The following RTN1 variants were observed in gnomAD, a reference collection of about 807,000 sequenced individuals.
The protein encoded by RTN1 is reticulon-1.
RTN1 carries 25 observed loss-of-function variants against 65.5 expected under a neutral mutation model. The observed-to-expected ratio is 0.38, with a 90% CI of 0.28 to 0.53. RTN1 has a LOEUF of 0.53. Ranked by LOEUF, RTN1 falls within the 20% of genes least tolerant of loss-of-function variation. The pLI is 0.79. For synonymous variants in RTN1, 471 were observed against 447.6 expected (o/e 1.05, Z -0.66); for missense variants, 983 against 1,025.4 (o/e 0.96, Z 0.57).
At chr14:59,728,272 TTTGC>T (rs1197795677) in intron 2 of RTN1, among the ~76,000 whole-genome samples, 20 of 131,202 alleles carry the variant, frequency 1.5e-4, no homozygotes, top group African/African-American at 6.2e-4. Context: ...TTTTTTTTTT[TTTGC>T]AACTAAGTGG....
intron 1 of RTN1, among the ~76,000 whole-genome samples, chr14:59,800,259 C>G (rs1886516224): frequency 6.6e-6 from 1 of 152,230 alleles, no homozygotes; most frequent in South Asian, 2.1e-4. Context: ...CTCAAACCCC[C>G]ACCCTAACAG....
chr14:59,751,191 CTTTTTTT>C (rs34021179), intron 1 of RTN1, among the ~76,000 whole-genome samples: 7 of 90,794 alleles, frequency 7.7e-5, no homozygotes, highest in African/African-American at 1.4e-4. Flanking sequence ...CTCATTATAC[CTTTTTTT>C]TTTTTTTTTT....
chr14:59,653,904 T>C (rs1470207375), intron 3 of RTN1, among the ~76,000 whole-genome samples: 1 of 152,108 alleles, frequency 6.6e-6, no homozygotes, highest in Non-Finnish European at 1.5e-5. Flanking sequence ...TTTATTTATT[T>C]ATTTATTTAT....
At chr14:59,647,566 C>T (rs576802211) in intron 3 of RTN1, among the ~76,000 whole-genome samples, 12 of 152,130 alleles carry the variant, frequency 7.9e-5, no homozygotes, top group Non-Finnish European at 1.6e-4. Context: ...CAATTTTCAG[C>T]AAATGTAAAA....
chr14:59,679,171 T>C (rs1883692090), intron 3 of RTN1, among the ~76,000 whole-genome samples: 1 of 152,188 alleles, frequency 6.6e-6, no homozygotes, highest in Admixed American at 6.5e-5. Flanking sequence ...TATTATCATG[T>C]GTAATTGTTA....
chr14:59,738,573 C>G (rs534024911), intron 2 of RTN1, among the ~76,000 whole-genome samples: 3 of 152,324 alleles, frequency 2.0e-5, no homozygotes, highest in South Asian at 2.1e-4. Flanking sequence ...TTAGTTCAAC[C>G]ATTGTGGAAA....
At chr14:59,701,851 T>C (rs1884186791) in intron 3 of RTN1, among the ~76,000 whole-genome samples, 1 of 152,164 alleles carries the variant, frequency 6.6e-6, no homozygotes, top group African/African-American at 2.4e-5. Flanking sequence ...AATAAAGCTG[T>C]ATAAAAACAA....
chr14:59,710,030 T>C (rs1594692091), intron 3 of RTN1, among the ~76,000 whole-genome samples: 2 of 132,120 alleles, frequency 1.5e-5, no homozygotes, highest in Admixed American at 7.7e-5. Flanking sequence ...TCTCCTCTCC[T>C]CTCCCTCTTT....
At chr14:59,860,606 T>C (rs889899038) in intron 1 of RTN1, among the ~76,000 whole-genome samples, 3 of 152,292 alleles carry the variant, frequency 2.0e-5, no homozygotes, top group East Asian at 3.9e-4. Context: ...GCTTGCACCA[T>C]GTGCCTGGAA....
At chr14:59,755,679 A>G (rs1885623617) in intron 1 of RTN1, among the ~76,000 whole-genome samples, 2 of 152,152 alleles carry the variant, frequency 1.3e-5, no homozygotes, top group East Asian at 1.9e-4. Context: ...GACTCTAGGA[A>G]CCTCTATGTC....
intron 3 of RTN1, among the ~76,000 whole-genome samples, chr14:59,684,330 C>T (rs981600576): frequency 2.0e-5 from 3 of 151,976 alleles, no homozygotes; most frequent in Admixed American, 6.6e-5. Flanking sequence ...TTTCACATTA[C>T]TTTTACTGCC....
At position 59,672,726 on chromosome 14, in the gene RTN1, C is replaced by T. The variant is rs1035094210; in HGVS notation, c.1765+54193G>A. ...CGCAATCTCGGCTCACTGCAAGCTC[C>T]GCTTCCCGGGTTCACGCCATTCTCC... On this transcript the variant is annotated intron_variant, in intron 3 of 8. Transcript: ENST00000267484. 1.9e-4 allele frequency among the ~76,000 whole-genome samples: 28 copies of T among 146,660 alleles called. 1 individual carries two copies. The highest frequency in any genetic ancestry group is 7.3e-3 in the Middle Eastern group (2 of 274).
intron 8 of RTN1, among the ~76,000 whole-genome samples, chr14:59,597,378 C>T (rs912452516): frequency 6.6e-6 from 1 of 152,192 alleles, no homozygotes; most frequent in Admixed American, 6.5e-5. Flanking sequence ...AAAATGTGGG[C>T]ATAGACTAGA....
intron 1 of RTN1, among the ~76,000 whole-genome samples, chr14:59,819,587 C>T (rs889919650): frequency 2.0e-5 from 3 of 152,018 alleles, no homozygotes; most frequent in South Asian, 2.1e-4. Flanking sequence ...ACCAGTTCTG[C>T]GCTGCGCGAC....
At chr14:59,647,635 A>G (rs1377873750) in intron 3 of RTN1, among the ~76,000 whole-genome samples, 2 of 152,000 alleles carry the variant, frequency 1.3e-5, no homozygotes, top group African/African-American at 4.8e-5. Context: ...ACTACAAAAA[A>G]CTCAAAACAT....
chr14:59,669,147 T>C (rs993702813), intron 3 of RTN1, among the ~76,000 whole-genome samples: 2 of 152,100 alleles, frequency 1.3e-5, no homozygotes, highest in African/African-American at 2.4e-5. Context: ...TACAAAGTCA[T>C]ATGCACACAT....
chr14:59,656,313 T>C lies in RTN1; in HGVS notation c.1766-48821A>G, dbSNP rs1883122300. 2.0e-5 allele frequency among the ~76,000 whole-genome samples: 3 copies of C among 152,214 alleles called. No individual in the cohort carries two copies. The South Asian group carries it at 6.2e-4, about 31-fold the overall frequency. On this transcript the variant is annotated intron_variant, in intron 3 of 8. Transcript: ENST00000267484. ...TAACTGCATAACTTTGTGAATATGC[T>C]AAAAACTACTGAACTTTTAAAAGGG...
At chr14:59,624,582 C>T (rs755339138) in intron 3 of RTN1, among the ~76,000 whole-genome samples, 56 of 152,072 alleles carry the variant, frequency 3.7e-4, no homozygotes, top group Non-Finnish European at 5.1e-4. Context: ...CTGCCTCAGC[C>T]TCCCGAGTAG....
chr14:59,633,062 C>T (rs1039267223), intron 3 of RTN1, among the ~76,000 whole-genome samples: 4 of 152,132 alleles, frequency 2.6e-5, no homozygotes, highest in Admixed American at 6.5e-5. Context: ...GTGATCGCAC[C>T]ACTGCACTCC....
Sources: allele counts gnomAD v4.1 joint callset (sites outside exome capture counted in the v4.1 genomes callset), GRCh38; gene constraint gnomAD v4.1.1; transcripts MANE v1.5; gene names NCBI Gene and HGNC (gene_info 2026-07-23, HGNC 2026-07-21).